Variants in LUZP2 observed in about 807,000 individuals in gnomAD.
The protein encoded by LUZP2 is leucine zipper protein 2.
Under a neutral mutation model 51.6 loss-of-function variants are expected in LUZP2, and 52 were observed. The observed-to-expected ratio is 1.01, with a 90% CI of 0.81 to 1.27. The LOEUF is 1.27. LUZP2 is among the 50% of genes most tolerant of loss of function. The pLI is 0.00. For missense variants in LUZP2, 436 were observed against 395.4 expected (o/e 1.10, Z -0.87); for synonymous variants, 154 against 137.3 (o/e 1.12, Z -0.85).
intron 9 of LUZP2, among the ~76,000 whole-genome samples, chr11:25,028,283 G>A (rs1222849928): frequency 2.0e-5 from 3 of 152,008 alleles, no homozygotes; most frequent in Non-Finnish European, 2.9e-5. Flanking sequence ...ACCCTGTTGT[G>A]CTATCAAATA....
intron 1 of LUZP2, among the ~76,000 whole-genome samples, chr11:24,546,026 T>C (rs917597615): frequency 2.0e-5 from 3 of 152,048 alleles, no homozygotes; most frequent in African/African-American, 7.2e-5. Flanking sequence ...ATCAAGGTAT[T>C]TTATGCTTTT....
intron 1 of LUZP2, among the ~76,000 whole-genome samples, chr11:24,719,655 C>G (rs1321742657): frequency 6.6e-6 from 1 of 152,186 alleles, no homozygotes; most frequent in African/African-American, 2.4e-5. Context: ...TACTTTATGA[C>G]TTTGAAGCTT....
intron 5 of LUZP2, among the ~76,000 whole-genome samples, chr11:24,883,893 C>T (rs1364933708): frequency 6.6e-6 from 1 of 151,862 alleles, no homozygotes; most frequent in Non-Finnish European, 1.5e-5. Context: ...AAGTAGAATT[C>T]GGTTCTGTCA....
At chr11:24,917,327 T>G (rs2133806494) in intron 7 of LUZP2, among the ~76,000 whole-genome samples, 1 of 152,328 alleles carries the variant, frequency 6.6e-6, no homozygotes, top group African/African-American at 2.4e-5. Flanking sequence ...GTGCAGAAGC[T>G]TTTTAGTTTG....
intron 5 of LUZP2, among the ~76,000 whole-genome samples, chr11:24,882,927 CGAAA>C (rs1270933724): frequency 3.8e-4 from 31 of 81,160 alleles, no homozygotes; most frequent in African/African-American, 1.4e-3. Context: ...AAAGAAAGAA[CGAAA>C]GAAAGAAAGA....
At chr11:24,619,808 T>G (rs1015451049) in intron 1 of LUZP2, among the ~76,000 whole-genome samples, 2 of 152,082 alleles carry the variant, frequency 1.3e-5, no homozygotes, top group Admixed American at 1.3e-4. Context: ...GGAATAATAA[T>G]AAGAAAAAAA....
intron 5 of LUZP2, among the ~76,000 whole-genome samples, chr11:24,832,909 A>G (rs1348403133): frequency 6.8e-6 from 1 of 147,006 alleles, no homozygotes; most frequent in African/African-American, 2.6e-5. Context: ...TATAATGAGT[A>G]TGATTTATTA....
chr11:25,068,924 T>C (rs1859073506), intron 10 of LUZP2, among the ~76,000 whole-genome samples: 1 of 151,970 alleles, frequency 6.6e-6, no homozygotes, highest in Non-Finnish European at 1.5e-5. Flanking sequence ...CAAAAAACTT[T>C]ATTCATCGCT....
chr11:24,541,918 A>T (rs979970703), intron 1 of LUZP2, among the ~76,000 whole-genome samples: 3 of 151,972 alleles, frequency 2.0e-5, no homozygotes, highest in Admixed American at 1.3e-4. Context: ...AGAAAAAAAA[A>T]ACACCTGTTA....
chr11:24,567,319 A>G (rs1372568379), intron 1 of LUZP2, among the ~76,000 whole-genome samples: 1 of 152,092 alleles, frequency 6.6e-6, no homozygotes, highest in African/African-American at 2.4e-5. Flanking sequence ...AAGCATAGAG[A>G]AAAATAAACA....
intron 1 of LUZP2, among the ~76,000 whole-genome samples, chr11:24,529,339 G>A (rs1205196571): frequency 6.6e-6 from 1 of 150,860 alleles, no homozygotes; most frequent in Non-Finnish European, 1.5e-5. Context: ...TCACTCATGA[G>A]ATCAACCATG....
chr11:24,910,505 G>C (rs979204124), intron 6 of LUZP2, among the ~76,000 whole-genome samples: 2 of 152,174 alleles, frequency 1.3e-5, no homozygotes, highest in Admixed American at 6.5e-5. Context: ...GTCTGCTTCA[G>C]CTCCAGCTGT....
intron 1 of LUZP2, among the ~76,000 whole-genome samples, chr11:24,511,097 A>T (rs1390796971): frequency 6.6e-6 from 1 of 152,178 alleles, no homozygotes; most frequent in African/African-American, 2.4e-5. Flanking sequence ...TCTGCCATAT[A>T]TTCAGGTAAG....
chr11:24,726,634 C>G (rs1858486913), intron 1 of LUZP2, among the ~76,000 whole-genome samples: 1 of 151,888 alleles, frequency 6.6e-6, no homozygotes, highest in African/African-American at 2.4e-5. Context: ...CATATATACA[C>G]TTTATTAATT....
At position 24,660,743 on chromosome 11, in the gene LUZP2, G is replaced by GT. The variant is rs991377782; in HGVS notation, c.63-68419dup. Reference sequence around the variant, plus strand: ...AGCAGAGTTACCTTTTAGTTAGTATGTTTTTTTAACCTGCTGGATGCAATA... The same window carrying GT: ...AGCAGAGTTACCTTTTAGTTAGTATGTTTTTTTTAACCTGCTGGATGCAATA... On this transcript the variant is annotated intron_variant, in intron 1 of 11. Transcript: ENST00000336930. 9.2e-5 allele frequency among the ~76,000 whole-genome samples: 14 copies of GT among 152,058 alleles called. No homozygotes were observed. In the South Asian group the frequency reaches 1.2e-3, roughly 14 times the overall value.
At chr11:24,531,880 C>A (rs1313047791) in intron 1 of LUZP2, among the ~76,000 whole-genome samples, 1 of 150,772 alleles carries the variant, frequency 6.6e-6, no homozygotes, top group African/African-American at 2.4e-5. Context: ...TCATCATCAC[C>A]CTTATATTTA....
intron 5 of LUZP2, among the ~76,000 whole-genome samples, chr11:24,868,050 A>G (rs370261094): frequency 7.9e-5 from 12 of 152,266 alleles, no homozygotes; most frequent in African/African-American, 2.4e-4. Flanking sequence ...TTGTTCAGCC[A>G]TCTCTTGAAC....
rs149337496 is a variant in LUZP2, at chr11:25,075,921, C to T, written c.859-1408C>T. On this transcript the variant is annotated intron_variant, in intron 10 of 11. Transcript: ENST00000336930. ...TTAAAGTCAACTTAGCTCTCTATCC[C>T]CTGATTCATCGCTTGGAAATAAACT... Among the ~76,000 whole-genome samples, 10 of 152,072 alleles carry T rather than the reference C, an allele frequency of 6.6e-5. 1 individual carries two copies. In the East Asian group the frequency reaches 1.9e-3, roughly 29 times the overall value.
chr11:24,616,223 T>C, intron 1 of LUZP2, among the ~76,000 whole-genome samples: 1 of 151,826 alleles, frequency 6.6e-6, no homozygotes, highest in East Asian at 1.9e-4. Context: ...GAACTTACCA[T>C]TTTTTTTCTT....
Sources: gnomAD v4.1 joint callset for allele counts (sites outside exome capture counted in the v4.1 genomes callset) on GRCh38, gnomAD v4.1.1 for gene constraint, MANE v1.5 for transcripts, NCBI Gene and HGNC (gene_info 2026-07-23, HGNC 2026-07-21) for gene names.